Variants in MLLT3 observed in about 807,000 individuals in gnomAD.
MLLT3 encodes protein AF-9.
In MLLT3, 4 loss-of-function variants were observed where a neutral mutation model predicts 53.2. The observed-to-expected ratio is 0.08, with a 90% CI of 0.04 to 0.17. The LOEUF is 0.17. Among genes scored for constraint, MLLT3 ranks in the 10% least tolerant of loss-of-function variants. The pLI is 1.00. For synonymous variants in MLLT3, 283 were observed against 230.6 expected (o/e 1.23, Z -2.06); for missense variants, 569 against 684.0 (o/e 0.83, Z 1.87).
intron 9 of MLLT3, among the ~76,000 whole-genome samples, chr9:20,353,889 T>A (rs1441418449): frequency 6.6e-6 from 1 of 152,168 alleles, no homozygotes; most frequent in South Asian, 2.1e-4. Context: ...CAACAATATC[T>A]CTACAAAAGG....
intron 5 of MLLT3, among the ~76,000 whole-genome samples, chr9:20,413,193 A>C (rs1387366732): frequency 6.6e-6 from 1 of 152,212 alleles, no homozygotes; most frequent in Non-Finnish European, 1.5e-5. Flanking sequence ...TATACATTTT[A>C]CATATGTGTA....
At chr9:20,434,228 A>G (rs1460030613) in intron 4 of MLLT3, among the ~76,000 whole-genome samples, 1 of 152,194 alleles carries the variant, frequency 6.6e-6, no homozygotes, top group Non-Finnish European at 1.5e-5. Context: ...CTAATTCCTG[A>G]CTTGGATGGT....
intron 8 of MLLT3, among the ~76,000 whole-genome samples, chr9:20,359,407 G>A (rs369007601): frequency 2.0e-5 from 3 of 152,168 alleles, no homozygotes; most frequent in African/African-American, 7.2e-5. Flanking sequence ...TGAAGATGGG[G>A]AAGAGCCAGG....
rs541075922 is a variant in MLLT3 at position 20,456,806 on chromosome 9, A to G, written c.194-20T>C. 310 of 1,502,954 alleles carry G rather than the reference A, an allele frequency of 2.1e-4. 6 individuals carry two copies. The South Asian group carries it at 3.6e-3, about 18-fold the overall frequency. 93.1% of individuals were successfully genotyped at this position (1,502,954 alleles called of 1,614,324 possible). A position where few individuals can be genotyped will look rare whatever the true frequency, so the allele number is the denominator to read the frequency against. ...TGCACACTGCAACATTAAAAAAGAA[A>G]ATAGGTAAGATGAGAATAATAGACA... On this transcript the variant is annotated intron_variant, in intron 2 of 10. Coordinates refer to ENST00000380338, the MANE Select transcript of MLLT3 (RefSeq NM_004529.4).
intron 2 of MLLT3, among the ~76,000 whole-genome samples, chr9:20,570,285 A>G (rs185900494): frequency 1.7e-4 from 26 of 152,332 alleles, no homozygotes; most frequent in Admixed American, 1.7e-3. Context: ...CCAAAGAATC[A>G]AGTCATAGAA....
rs760512393 is a variant in MLLT3, at chr9:20,363,506, G to A, written c.1301C>T (p.Pro434Leu). 16 of 1,613,790 alleles carry A rather than the reference G, an allele frequency of 9.9e-6. No homozygotes were observed. In the Admixed American group the frequency reaches 1.8e-4, roughly 18 times the overall value. ...ACTTCGGCTGCCTCCTCTATTTACA[G>A]GCCTCTCCATTTCAGAGTCATTGTC... ...DNDNDSEMER[P>L]VNRGGSRSRR... Residue 434 changes from proline (P) to leucine (L), a missense_variant, in exon 7 of 11, where the codon CCT (proline) becomes CTT (leucine). This residue lies in a region of MLLT3 where 437 missense variants were observed against 376.5 expected (regional missense o/e 1.16). Transcript: ENST00000380338.
chr9:20,368,822 AAG>A (rs898007506), intron 5 of MLLT3, among the ~76,000 whole-genome samples: 2 of 152,224 alleles, frequency 1.3e-5, no homozygotes, highest in African/African-American at 4.8e-5. Flanking sequence ...AAGGACATTA[AAG>A]TAGAAAGTTT....
At chr9:20,387,941 T>A (rs571067049) in intron 5 of MLLT3, among the ~76,000 whole-genome samples, 1 of 152,206 alleles carries the variant, frequency 6.6e-6, no homozygotes, top group Non-Finnish European at 1.5e-5. Flanking sequence ...CAGGACTGGC[T>A]CATTCAGGAG....
At chr9:20,522,206 T>C (rs1290344293) in intron 2 of MLLT3, among the ~76,000 whole-genome samples, 2 of 151,192 alleles carry the variant, frequency 1.3e-5, no homozygotes, top group Non-Finnish European at 2.9e-5. Context: ...CAGAAACAAG[T>C]TCCATAGAGA....
At chr9:20,421,021 TG>T (rs1822995168) in intron 4 of MLLT3, among the ~76,000 whole-genome samples, 1 of 152,146 alleles carries the variant, frequency 6.6e-6, no homozygotes, top group Non-Finnish European at 1.5e-5. Context: ...CCCAGCACTT[TG>T]GGAGGCTGAG....
chr9:20,593,775 C>A (rs1820184799), intron 2 of MLLT3, among the ~76,000 whole-genome samples: 1 of 152,124 alleles, frequency 6.6e-6, no homozygotes, highest in Non-Finnish European at 1.5e-5. Context: ...TGGAATCAGC[C>A]AGCAACTTCA....
At chr9:20,615,079 C>G (rs1251601041) in intron 2 of MLLT3, among the ~76,000 whole-genome samples, 3 of 152,126 alleles carry the variant, frequency 2.0e-5, no homozygotes, top group African/African-American at 7.2e-5. Flanking sequence ...CACAATGGCT[C>G]ATGCCTGTAA....
chr9:20,519,092 A>C (rs981698246), intron 2 of MLLT3, among the ~76,000 whole-genome samples: 1 of 152,256 alleles, frequency 6.6e-6, no homozygotes, highest in Admixed American at 6.5e-5. Context: ...GAAGAAATTT[A>C]GATTACTCTT....
chr9:20,415,900 TGCTCA>T (rs1822859845), intron 4 of MLLT3, among the ~76,000 whole-genome samples: 1 of 152,052 alleles, frequency 6.6e-6, no homozygotes, highest in South Asian at 2.1e-4. Context: ...TTGTCTCATT[TGCTCA>T]ACAACAAAAT....
At chr9:20,554,751 G>A (rs183221394) in intron 2 of MLLT3, among the ~76,000 whole-genome samples, 5 of 152,238 alleles carry the variant, frequency 3.3e-5, no homozygotes, top group Non-Finnish European at 7.3e-5. Context: ...AATATACTTA[G>A]TACAAGGCAT....
intron 2 of MLLT3, among the ~76,000 whole-genome samples, chr9:20,575,860 A>T (rs1400904693): frequency 6.6e-6 from 1 of 152,174 alleles, no homozygotes; most frequent in Non-Finnish European, 1.5e-5. Context: ...GCTTCAACTA[A>T]AAGTCAGCAG....
intron 2 of MLLT3, among the ~76,000 whole-genome samples, chr9:20,555,545 T>C (rs1180821379): frequency 6.6e-6 from 1 of 152,240 alleles, no homozygotes; most frequent in South Asian, 2.1e-4. Flanking sequence ...AACCGGGCTA[T>C]GTATAACATT....
chr9:20,377,535 G>C (rs1330870872), intron 5 of MLLT3, among the ~76,000 whole-genome samples: 1 of 152,098 alleles, frequency 6.6e-6, no homozygotes, highest in Non-Finnish European at 1.5e-5. Flanking sequence ...TATATCTGAA[G>C]AGATTATTTT....
chr9:20,587,036 C>T (rs565900616), intron 2 of MLLT3, among the ~76,000 whole-genome samples: 7 of 151,974 alleles, frequency 4.6e-5, no homozygotes, highest in Admixed American at 2.6e-4. Flanking sequence ...GAGAAGCCAG[C>T]CAATTATTTG....
Sources: gnomAD v4.1 joint callset for allele counts (sites outside exome capture counted in the v4.1 genomes callset) on GRCh38, gnomAD v4.1.1 for gene constraint, gnomAD v4.1.1 regional missense constraint, MANE v1.5 for transcripts, NCBI Gene and HGNC (gene_info 2026-07-23, HGNC 2026-07-21) for gene names.